DTD1: variants seen among roughly 807,000 people sequenced by gnomAD.
DTD1 encodes D-tyrosyl-tRNA deacylase 1 homolog.
DTD1 carries 13 observed loss-of-function variants against 25.6 expected under a neutral mutation model. The ratio of observed to expected loss-of-function variants is 0.51; its 90% confidence interval spans 0.33 to 0.81. The LOEUF is 0.81. Ranked by LOEUF, DTD1 falls within the 30% of genes least tolerant of loss-of-function variation. The pLI, the probability that DTD1 is intolerant of heterozygous loss-of-function variation, is 0.02. For missense variants in DTD1, 193 were observed against 266.4 expected (o/e 0.72, Z 1.92); for synonymous variants, 110 against 103.6 (o/e 1.06, Z -0.37).
intron 4 of DTD1, among the ~76,000 whole-genome samples, chr20:18,649,440 G>A (rs1028075018): frequency 7.2e-6 from 1 of 139,070 alleles, no homozygotes; most frequent in Non-Finnish European, 1.5e-5. Context: ...CCGGGTTCAC[G>A]CCATTCTCCT....
chr20:18,678,973 T>G (rs6132099), intron 4 of DTD1: 54,982 of 152,018 alleles, frequency 0.36, 10,269 homozygotes, highest in Non-Finnish European at 0.41. Flanking sequence ...GGTCATCCAT[T>G]AGATGGCTTA....
intron 1 of DTD1, among the ~76,000 whole-genome samples, chr20:18,591,778 A>G (rs2060590594): frequency 6.6e-6 from 1 of 152,222 alleles, no homozygotes; most frequent in Admixed American, 6.5e-5. Context: ...TTCAAAGAAC[A>G]AATAAAGCCA....
chr20:18,716,631 C>T (rs1406882766), intron 4 of DTD1, among the ~76,000 whole-genome samples: 1 of 152,106 alleles, frequency 6.6e-6, no homozygotes, highest in Admixed American at 6.5e-5. Flanking sequence ...ATAGGCCAGC[C>T]TGTGGTGTTG....
rs377715593 is a variant in DTD1, at chr20:18,711,515, C to CT, written c.478-32574dup. On this transcript the variant is annotated intron_variant, in intron 4 of 5. Coordinates refer to ENST00000377452, the MANE Select transcript of DTD1 (RefSeq NM_080820.6). ...ACAACTGTTGTTTCTTAGGCTTGTC[C>CT]TTTTTTTTTTTAAACTTCAATGTGA... Among the ~76,000 whole-genome samples, 1,203 of 147,420 alleles carry CT rather than the reference C, an allele frequency of 8.2e-3. 8 individuals carry two copies. Among genetic ancestry groups the CT allele is most frequent in the Non-Finnish European group, 0.013 (857 of 66,478 alleles).
At chr20:18,678,398 C>T (rs1418687725) in intron 4 of DTD1, among the ~76,000 whole-genome samples, 3 of 152,214 alleles carry the variant, frequency 2.0e-5, no homozygotes, top group African/African-American at 7.2e-5. Flanking sequence ...TTCATATGAG[C>T]TTGCATCTTT....
intron 3 of DTD1, among the ~76,000 whole-genome samples, chr20:18,615,868 C>T (rs576244277): frequency 7.2e-5 from 11 of 152,300 alleles, no homozygotes; most frequent in African/African-American, 2.4e-4. Flanking sequence ...GTGCCTCTCC[C>T]GCTTCATAAT....
At chr20:18,649,940 C>G (rs2060867568) in intron 4 of DTD1, among the ~76,000 whole-genome samples, 1 of 152,254 alleles carries the variant, frequency 6.6e-6, no homozygotes, top group Admixed American at 6.5e-5. Context: ...GGGCTGGATG[C>G]AGTGGCTCAC....
chr20:18,752,941 C>A (rs2061326054), intron 5 of DTD1, among the ~76,000 whole-genome samples: 1 of 152,072 alleles, frequency 6.6e-6, no homozygotes, highest in Non-Finnish European at 1.5e-5. Flanking sequence ...TTTCTCTATG[C>A]CCAGGCTTCC....
chr20:18,758,701 A>G (rs7409697), intron 5 of DTD1, among the ~76,000 whole-genome samples: 83,965 of 151,986 alleles, frequency 0.55, 24,173 homozygotes, highest in Non-Finnish European at 0.62. Flanking sequence ...TATGTGGTCA[A>G]TTTTGGAATA....
chr20:18,717,398 A>T (rs1216206655), intron 4 of DTD1, among the ~76,000 whole-genome samples: 1 of 152,234 alleles, frequency 6.6e-6, no homozygotes, highest in Non-Finnish European at 1.5e-5. Context: ...TGCCATGTAC[A>T]GTCTGTGTAT....
At chr20:18,614,017 G>A (rs1283063046) in intron 3 of DTD1, among the ~76,000 whole-genome samples, 1 of 152,164 alleles carries the variant, frequency 6.6e-6, no homozygotes, top group Non-Finnish European at 1.5e-5. Flanking sequence ...TGTTGCCCAG[G>A]CTGGTCTCAA....
chr20:18,751,083 G>GTGTGTGTGTA (rs1407624907), intron 5 of DTD1, among the ~76,000 whole-genome samples: 3 of 151,978 alleles, frequency 2.0e-5, no homozygotes, highest in African/African-American at 7.3e-5. Context: ...GTGTGTGTGT[G>GTGTGTGTGTA]TGGGTGTGTG....
chr20:18,687,027 T>C (rs2061019742), intron 4 of DTD1, among the ~76,000 whole-genome samples: 1 of 152,150 alleles, frequency 6.6e-6, no homozygotes, highest in Admixed American at 6.5e-5. Flanking sequence ...TATTGGGGGT[T>C]GTATGGAGCT....
Position 18,749,827 on chromosome 20 carries a change from C to T in DTD1, c.*19+5556C>T, listed in dbSNP as rs138451334. Among the ~76,000 whole-genome samples the T allele has an allele frequency of 0.029, 4,348 of 152,290 alleles. 86 individuals are homozygous for T. The highest frequency in any genetic ancestry group is 0.042 in the Non-Finnish European group (2,884 of 68,024). On this transcript the variant is annotated intron_variant, in intron 5 of 5. Transcript: ENST00000377452. The surrounding 1 kb of genome is among the most constrained non-coding windows in gnomAD (Gnocchi z 4.2). ...AATGGAGCCTCTGTCTGGTCAGGAACGCCCCTATTGCTACTCAGCGCATGG... is the reference window on the plus strand; with the variant it reads ...AATGGAGCCTCTGTCTGGTCAGGAATGCCCCTATTGCTACTCAGCGCATGG...
At chr20:18,593,577 A>G (rs1600303998) in intron 1 of DTD1, among the ~76,000 whole-genome samples, 154 bp from the exon 2 acceptor site, 1 of 152,220 alleles carries the variant, frequency 6.6e-6, no homozygotes, top group East Asian at 1.9e-4. Context: ...CACTGCATTT[A>G]TGTAACTCTT....
chr20:18,727,246 G>T (rs2122500133), intron 4 of DTD1, among the ~76,000 whole-genome samples: 1 of 152,340 alleles, frequency 6.6e-6, no homozygotes, highest in Admixed American at 6.5e-5. Flanking sequence ...GTTGTTTAGT[G>T]GGAACCTGGA....
chr20:18,594,900 G>C (rs1435807911), intron 2 of DTD1, among the ~76,000 whole-genome samples: 1 of 152,200 alleles, frequency 6.6e-6, no homozygotes, highest in Non-Finnish European at 1.5e-5. Flanking sequence ...ACAAATCTTG[G>C]CTGTGGAGAG....
chr20:18,721,960 C>A (rs1257487811), intron 4 of DTD1, among the ~76,000 whole-genome samples: 1 of 152,128 alleles, frequency 6.6e-6, no homozygotes, highest in Admixed American at 6.5e-5. Flanking sequence ...AGGCCGCTCC[C>A]CAGAATTAAG....
intron 4 of DTD1, among the ~76,000 whole-genome samples, chr20:18,709,726 G>A (rs1052190263): frequency 6.6e-6 from 1 of 152,188 alleles, no homozygotes; most frequent in Non-Finnish European, 1.5e-5. Flanking sequence ...ATACCCAGGT[G>A]TACTTGGTAT....
Sources: allele counts gnomAD v4.1 joint callset (sites outside exome capture counted in the v4.1 genomes callset), GRCh38; gene constraint gnomAD v4.1.1; non-coding constraint Gnocchi (gnomAD v3.1); transcripts MANE v1.5; gene names NCBI Gene and HGNC (gene_info 2026-07-23, HGNC 2026-07-21).